Variants in FAM234B observed in about 807,000 individuals in gnomAD.
FAM234B encodes protein FAM234B.
A neutral mutation model predicts 69.3 loss-of-function variants in FAM234B; 33 were observed. The observed-to-expected ratio is 0.48, with a 90% CI of 0.36 to 0.64. The LOEUF is 0.64. FAM234B is among the 30% of genes least tolerant of loss of function. FAM234B has a pLI of 0.00. For missense variants in FAM234B, 697 were observed against 769.7 expected (o/e 0.91, Z 1.12); for synonymous variants, 306 against 306.9 (o/e 1.00, Z 0.03).
At chr12:13,047,908 G>T (rs570783879) in intron 1 of FAM234B, among the ~76,000 whole-genome samples, 1 of 152,012 alleles carries the variant, frequency 6.6e-6, no homozygotes. Flanking sequence ...TTTACTTCAC[G>T]CTCTCTTATT....
chr12:13,061,385 G>A (rs976011454), intron 3 of FAM234B, among the ~76,000 whole-genome samples, 190 bp from the exon 4 acceptor site: 1 of 152,232 alleles, frequency 6.6e-6, no homozygotes, highest in South Asian at 2.1e-4. Context: ...TACATGAGAA[G>A]CGTGTTCAGC....
At chr12:13,054,671 G>C (rs1864910423) in intron 1 of FAM234B, among the ~76,000 whole-genome samples, 1 of 152,076 alleles carries the variant, frequency 6.6e-6, no homozygotes, top group Non-Finnish European at 1.5e-5. Flanking sequence ...ACATTTTCTT[G>C]GTTGTTACTT....
In FAM234B at chr12:13,044,801, G is replaced by A. The variant is rs1208539850; in HGVS notation, c.37+361G>A. Among the ~76,000 whole-genome samples, 1 of 152,226 alleles carries A rather than the reference G, an allele frequency of 6.6e-6. No homozygotes were observed. The highest frequency in any genetic ancestry group is 2.4e-5 in the African/African-American group (1 of 41,452). The stretch of plus-strand genomic sequence containing the variant: ...GCGGACCCAGCACCGCAGGGACTCC[G>A]GCGCCTTCTGTCTTGGCTGGACCTG... On this transcript the variant is annotated intron_variant, in intron 1 of 12. Transcript: ENST00000197268. The surrounding 1 kb of genome is among the most constrained non-coding windows in gnomAD (Gnocchi z 5.6).
intron 4 of FAM234B, chr12:13,062,598 A>G (rs943513209): frequency 8.2e-6 from 3 of 365,230 alleles, no homozygotes; most frequent in Admixed American, 4.3e-5. Flanking sequence ...TAGCACCTCC[A>G]TTTTATCTAA....
chr12:13,068,491 T>C, intron 8 of FAM234B, 44 bp downstream of exon 8: 2 of 1,606,294 alleles, frequency 1.2e-6, no homozygotes, highest in Non-Finnish European at 8.5e-7. Flanking sequence ...TTGATCCACT[T>C]TCCCATGTTT....
rs1388949522 is a variant in FAM234B at position 13,079,972 on chromosome 12, T to A, written c.1826T>A (p.Phe609Tyr). The A allele has an allele frequency of 1.2e-6, 2 of 1,611,506 alleles. No homozygotes were observed. The highest frequency in any genetic ancestry group is 2.2e-5 in the East Asian group (1 of 44,834). ...PKIGRGELRR[F>Y]LSRIKFVEAP... ...ATTGGCCGTGGGGAGCTGCGAAGAT[T>A]TCTCTCTAGGATAAAGTTTGTTGAA... The change falls in exon 12 of 13, where the codon TTT becomes TAT. Residue 609 changes from phenylalanine (F) to tyrosine (Y), a missense_variant. Physicochemically the swap from Phe to Tyr is conservative, Grantham distance 22. This residue lies in a region of FAM234B where 313 missense variants were observed against 305.5 expected (regional missense o/e 1.02). Coordinates refer to ENST00000197268, the MANE Select transcript of FAM234B (RefSeq NM_020853.2).
chr12:13,048,961 A>G (rs1036835105), intron 1 of FAM234B, among the ~76,000 whole-genome samples: 1 of 152,210 alleles, frequency 6.6e-6, no homozygotes, highest in African/African-American at 2.4e-5. Context: ...CCATGAGAAC[A>G]GTACGGAAGA....
At chr12:13,072,260 A>G (rs1479882264) in intron 10 of FAM234B, among the ~76,000 whole-genome samples, 1 of 152,176 alleles carries the variant, frequency 6.6e-6, no homozygotes, top group African/African-American at 2.4e-5. Context: ...TGGTTAATGA[A>G]CATGCTAATA....
chr12:13,073,833 T>A (rs182302322), intron 10 of FAM234B, among the ~76,000 whole-genome samples: 7 of 152,326 alleles, frequency 4.6e-5, no homozygotes, highest in Admixed American at 4.6e-4. Flanking sequence ...ACAAGATTAA[T>A]TTTTTCCTCA....
intron 1 of FAM234B, among the ~76,000 whole-genome samples, chr12:13,045,460 T>G (rs1463959294): frequency 6.6e-6 from 1 of 151,940 alleles, no homozygotes; most frequent in Non-Finnish European, 1.5e-5. Flanking sequence ...GCTATTTGGG[T>G]TTTGGTTGGA....
chr12:13,049,057 G>C (rs1864844150), intron 1 of FAM234B, among the ~76,000 whole-genome samples: 1 of 152,184 alleles, frequency 6.6e-6, no homozygotes, highest in Non-Finnish European at 1.5e-5. Flanking sequence ...GTTGAGATTT[G>C]GGTGGGGACA....
intron 3 of FAM234B, 96 bp downstream of exon 3, chr12:13,058,645 C>A: frequency 2.0e-6 from 2 of 994,346 alleles, no homozygotes; most frequent in Non-Finnish European, 3.2e-6. Context: ...AGAGAAGGAT[C>A]TGCAGTGAAC....
chr12:13,068,737 C>T, intron 9 of FAM234B, 26 bp downstream of exon 9: 1 of 1,466,560 alleles, frequency 6.8e-7, no homozygotes, highest in Non-Finnish European at 9.6e-7. Flanking sequence ...TCAGATCAAT[C>T]AAAGCATATG....
intron 1 of FAM234B, among the ~76,000 whole-genome samples, chr12:13,055,059 G>T (rs193255504): frequency 1.0e-3 from 159 of 152,300 alleles, no homozygotes; most frequent in African/African-American, 3.8e-3. Context: ...TGTTTCCATA[G>T]AAACAGTTGG....
In FAM234B at chr12:13,071,415, G is replaced by GC; in HGVS notation, c.1524+19_1524+20insC. 6.2e-7 allele frequency: 1 copy of GC among 1,611,968 alleles called. No individual in the cohort carries two copies. The highest frequency in any genetic ancestry group is 8.5e-7 in the Non-Finnish European group (1 of 1,178,598). On this transcript the variant is annotated intron_variant, in intron 10 of 12. Coordinates refer to ENST00000197268, the MANE Select transcript of FAM234B (RefSeq NM_020853.2). ...CAATTCCGTGAGTGAGCCTGGGAGG[G>GC]TCCCTTTTTTACTTTGTCAGATGGC...
At position 13,056,066 on chromosome 12, in the gene FAM234B, G is replaced by A. The variant is rs531201562; in HGVS notation, c.433+120G>A. Reference sequence around the variant, plus strand: ...GTCATGCGGCATTCCCCACCCTGCCGTCCCCACTGTGTGGAGGTGGCAAGG... The same window carrying A: ...GTCATGCGGCATTCCCCACCCTGCCATCCCCACTGTGTGGAGGTGGCAAGG... On this transcript the variant is annotated intron_variant, in intron 2 of 12. Coordinates refer to ENST00000197268, the MANE Select transcript of FAM234B (RefSeq NM_020853.2). The A allele has an allele frequency of 1.3e-3, 1,325 of 1,056,840 alleles. 6 individuals are homozygous for A. The highest frequency in any genetic ancestry group is 1.5e-3 in the Non-Finnish European group (1,150 of 773,306). 65.5% of individuals were successfully genotyped at this position (1,056,840 alleles called of 1,614,324 possible).
At chr12:13,061,832 G>T in intron 4 of FAM234B, 69 bp downstream of exon 4, 5 of 1,405,836 alleles carry the variant, frequency 3.6e-6, no homozygotes. Flanking sequence ...ATAATCTGTT[G>T]GGTAGGGGAC....
At chr12:13,076,725 A>G (rs1016339387) in intron 11 of FAM234B, among the ~76,000 whole-genome samples, 5 of 152,258 alleles carry the variant, frequency 3.3e-5, no homozygotes, top group African/African-American at 4.8e-5. Flanking sequence ...TCTACTTTAC[A>G]TATCTGTCTA....
At position 13,044,844 on chromosome 12, in the gene FAM234B, G is replaced by T. The variant is rs1467800241; in HGVS notation, c.37+404G>T. 1.3e-5 allele frequency among the ~76,000 whole-genome samples: 2 copies of T among 152,228 alleles called. No homozygotes were observed. Among genetic ancestry groups the T allele is most frequent in the Non-Finnish European group, 2.9e-5 (2 of 68,038 alleles). The stretch of plus-strand genomic sequence containing the variant: ...TGGACCTGGGCGGGGGCGGCGGGAC[G>T]GCGAGTGGCCCTCTGTGGATCATCC... On this transcript the variant is annotated intron_variant, in intron 1 of 12. Coordinates refer to ENST00000197268, the MANE Select transcript of FAM234B (RefSeq NM_020853.2). This position sits in a 1 kb window ranked among gnomAD's most constrained non-coding sequence, Gnocchi z 5.6.
Sources: allele counts gnomAD v4.1 joint callset (sites outside exome capture counted in the v4.1 genomes callset), GRCh38; gene constraint gnomAD v4.1.1; regional missense constraint gnomAD v4.1.1; non-coding constraint Gnocchi (gnomAD v3.1); transcripts MANE v1.5; gene names NCBI Gene and HGNC (gene_info 2026-07-23, HGNC 2026-07-21).